TSPAN7: variants seen among roughly 807,000 people sequenced by gnomAD.
The protein encoded by TSPAN7 is tetraspanin 7, also known as tetraspanin-7.
TSPAN7 carries 1 observed loss-of-function variant against 17.6 expected under a neutral mutation model. The ratio of observed to expected loss-of-function variants is 0.06; its 90% confidence interval spans 0.02 to 0.27. The LOEUF (loss-of-function observed/expected upper bound fraction) is 0.27. Among genes scored for constraint, TSPAN7 ranks in the 10% least tolerant of loss-of-function variants. The pLI is 1.00. For synonymous variants in TSPAN7, 78 were observed against 79.0 expected (o/e 0.99, Z 0.07); for missense variants, 112 against 201.7 (o/e 0.56, Z 2.69).
chrX:38,569,309 G>A (rs1263586090), intron 1 of TSPAN7, among the ~76,000 whole-genome samples: 1 of 110,971 alleles, frequency 9.0e-6, no homozygotes, highest in Non-Finnish European at 1.9e-5. Flanking sequence ...AGTAAAGAAG[G>A]TGAGAATATA....
At chrX:38,611,065 G>A (rs901099168) in intron 1 of TSPAN7, among the ~76,000 whole-genome samples, 1 of 112,391 alleles carries the variant, frequency 8.9e-6, no homozygotes, top group Non-Finnish European at 1.9e-5. Flanking sequence ...AACAGCATGA[G>A]ACTTGGGCTG....
chrX:38,622,111 G>GAATAT, intron 1 of TSPAN7, among the ~76,000 whole-genome samples: 1 of 112,424 alleles, frequency 8.9e-6, no homozygotes, highest in Admixed American at 9.4e-5. Context: ...GCCACGCCTT[G>GAATAT]GCCAGACCCC....
intron 1 of TSPAN7, among the ~76,000 whole-genome samples, chrX:38,656,962 C>A (rs944634716): frequency 1.8e-5 from 2 of 112,358 alleles, no homozygotes; most frequent in Non-Finnish European, 3.8e-5. Flanking sequence ...TAGAACATTT[C>A]TCAATGTACG....
intron 5 of TSPAN7, among the ~76,000 whole-genome samples, chrX:38,677,081 C>A (rs2069858876): frequency 9.0e-6 from 1 of 111,613 alleles, no homozygotes; most frequent in African/African-American, 3.3e-5. Flanking sequence ...TTTTTCCCCC[C>A]ACTCAAGCTT....
chrX:38,580,285 C>T (rs756198934), intron 1 of TSPAN7, among the ~76,000 whole-genome samples: 1 of 112,265 alleles, frequency 8.9e-6, no homozygotes, highest in East Asian at 2.8e-4. Context: ...CTAGTTCATT[C>T]TTTGTGAGAG....
At chrX:38,642,370 G>A (rs2069617687) in intron 1 of TSPAN7, among the ~76,000 whole-genome samples, 1 of 112,120 alleles carries the variant, frequency 8.9e-6, no homozygotes, top group African/African-American at 3.2e-5. Flanking sequence ...ATTATGCTTT[G>A]CTCATTATTG....
chrX:38,674,380 G>T, intron 4 of TSPAN7, 64 bp downstream of exon 4: 1 of 1,004,705 alleles, frequency 1.0e-6, no homozygotes, highest in South Asian at 2.0e-5. Flanking sequence ...CTTATGGACT[G>T]CCTGTAGGTT....
chrX:38,566,811 A>G (rs1479139357), intron 1 of TSPAN7, among the ~76,000 whole-genome samples: 1 of 112,114 alleles, frequency 8.9e-6, no homozygotes, highest in African/African-American at 3.2e-5. Flanking sequence ...AAAGAAATGT[A>G]ATAAATATTT....
rs148536056 is a variant in TSPAN7 at position 38,675,947 on chromosome X, T to G, written c.597+87T>G. The G allele has an allele frequency of 5.0e-5, 53 of 1,054,660 alleles. No individual in the cohort carries two copies. In the African/African-American group the frequency reaches 8.2e-4, roughly 16 times the overall value. 86.9% of individuals were successfully genotyped at this position (1,054,660 alleles called of 1,213,427 possible). A position where few individuals can be genotyped will look rare whatever the true frequency, so the allele number is the denominator to read the frequency against. ...TTCCATGAAATTATGACAAATAGAT[T>G]TGAAATAGTAGTCAAGGGAAAGAGA... On this transcript the variant is annotated intron_variant, in intron 5 of 7. Transcript: ENST00000378482.
Position 38,570,334 on chromosome X carries a change from G to A in TSPAN7, c.81+8707G>A, listed in dbSNP as rs369595946. ...ATTTTATCAACTTAATTTACTATACGCAATATACAGTTAGGATGTGTGAAC... is the reference window on the plus strand; with the variant it reads ...ATTTTATCAACTTAATTTACTATACACAATATACAGTTAGGATGTGTGAAC... On this transcript the variant is annotated intron_variant, in intron 1 of 7. Transcript: ENST00000378482. Among the ~76,000 whole-genome samples the A allele has an allele frequency of 2.7e-5, 3 of 111,442 alleles. No individual in the cohort carries two copies. In the Admixed American group the frequency reaches 2.9e-4, roughly 11 times the overall value.
intron 1 of TSPAN7, among the ~76,000 whole-genome samples, chrX:38,631,764 C>T (rs780266066): frequency 4.5e-5 from 5 of 111,602 alleles, no homozygotes. Context: ...TTTCCAGAAT[C>T]CCAGGTTTAA....
At chrX:38,584,250 G>A (rs987858246) in intron 1 of TSPAN7, among the ~76,000 whole-genome samples, 1 of 110,844 alleles carries the variant, frequency 9.0e-6, no homozygotes, top group Non-Finnish European at 1.9e-5. Context: ...ACAGCGCCTG[G>A]CAAACCTGAT....
intron 1 of TSPAN7, among the ~76,000 whole-genome samples, chrX:38,596,166 C>T (rs1288035661): frequency 9.0e-6 from 1 of 111,307 alleles, no homozygotes; most frequent in Non-Finnish European, 1.9e-5. Flanking sequence ...AACAGCTTCC[C>T]TTATCTGCAT....
intron 1 of TSPAN7, among the ~76,000 whole-genome samples, chrX:38,642,328 C>T (rs751762374): frequency 1.8e-5 from 2 of 111,785 alleles, no homozygotes; most frequent in South Asian, 7.6e-4. Flanking sequence ...GGAAAAAAGC[C>T]ACCCAATCTC....
intron 1 of TSPAN7, among the ~76,000 whole-genome samples, chrX:38,613,535 A>G (rs1320476006): frequency 1.8e-5 from 2 of 111,290 alleles, no homozygotes; most frequent in African/African-American, 3.3e-5. Context: ...GGAAATACCT[A>G]TGACAATATA....
chrX:38,659,597 G>C (rs2147446012), intron 1 of TSPAN7, among the ~76,000 whole-genome samples: 1 of 110,026 alleles, frequency 9.1e-6, no homozygotes, highest in East Asian at 2.8e-4. Context: ...GCTCATTAAT[G>C]ACAAAACTAC....
chrX:38,643,439 A>G (rs906465198), intron 1 of TSPAN7, among the ~76,000 whole-genome samples: 3 of 110,782 alleles, frequency 2.7e-5, no homozygotes, highest in Admixed American at 9.6e-5. Context: ...AATCTCCCCA[A>G]TTTTACTAAG....
At chrX:38,570,126 C>T (rs1005889806) in intron 1 of TSPAN7, among the ~76,000 whole-genome samples, 5 of 111,428 alleles carry the variant, frequency 4.5e-5, no homozygotes, top group African/African-American at 1.6e-4. Flanking sequence ...GATGAAGTCC[C>T]ATGTGTCTTC....
chrX:38,670,925 A>G (rs1191836847), intron 2 of TSPAN7, among the ~76,000 whole-genome samples: 1 of 112,414 alleles, frequency 8.9e-6, no homozygotes, highest in African/African-American at 3.2e-5. Context: ...TCAAAATGGA[A>G]TGGGCCGCAG....
Sources: allele counts gnomAD v4.1 joint callset (sites outside exome capture counted in the v4.1 genomes callset), GRCh38; gene constraint gnomAD v4.1.1; transcripts MANE v1.5; gene names NCBI Gene and HGNC (gene_info 2026-07-23, HGNC 2026-07-21).